IQSEC1: variants seen among roughly 807,000 people sequenced by gnomAD.
The protein encoded by IQSEC1 is IQ motif and Sec7 domain ArfGEF 1.
In IQSEC1, 31 loss-of-function variants were observed where a neutral mutation model predicts 91.0. The observed-to-expected ratio is 0.34, with a 90% confidence interval of 0.26 to 0.46. The LOEUF is 0.46. IQSEC1 is among the 20% of genes least tolerant of loss of function. IQSEC1 has a pLI of 1.00. For synonymous variants in IQSEC1, 699 were observed against 662.6 expected (o/e 1.05, Z -0.84); for missense variants, 1,388 against 1,575.6 (o/e 0.88, Z 2.02).
intron 1 of IQSEC1, among the ~76,000 whole-genome samples, chr3:13,019,518 C>G (rs1703304127): frequency 6.6e-6 from 1 of 152,254 alleles, no homozygotes; most frequent in Non-Finnish European, 1.5e-5. Flanking sequence ...TCAGGGCTTC[C>G]CTGGCAGCCG....
intron 2 of IQSEC1, among the ~76,000 whole-genome samples, chr3:13,146,614 C>T (rs765818983): frequency 3.9e-5 from 6 of 152,166 alleles, no homozygotes; most frequent in Admixed American, 1.3e-4. Flanking sequence ...CCAAGGCAGG[C>T]GGATCATTTA....
At chr3:13,002,014 A>T (rs1374468871) in intron 1 of IQSEC1, among the ~76,000 whole-genome samples, 1 of 152,160 alleles carries the variant, frequency 6.6e-6, no homozygotes, top group Non-Finnish European at 1.5e-5. Flanking sequence ...CAGAGGTTGC[A>T]GTGAGCTGAG....
At chr3:13,078,971 C>T (rs980440281) in intron 2 of IQSEC1, among the ~76,000 whole-genome samples, 5 of 152,242 alleles carry the variant, frequency 3.3e-5, no homozygotes, top group Admixed American at 1.3e-4. Context: ...GTAAATTGTG[C>T]ATTCCACGTG....
chr3:13,175,843 G>A (rs544260618), intron 1 of IQSEC1, among the ~76,000 whole-genome samples: 36 of 152,268 alleles, frequency 2.4e-4, no homozygotes, highest in East Asian at 2.1e-3. Context: ...CTCACCTCTC[G>A]GGTCCTTTAT....
intron 2 of IQSEC1, among the ~76,000 whole-genome samples, chr3:13,129,858 C>T (rs76522862): frequency 1.3e-5 from 2 of 151,724 alleles, no homozygotes. Context: ...CAGGGTTTCA[C>T]CGTGTTAGCC....
chr3:13,114,464 T>C (rs1706302816), intron 2 of IQSEC1, among the ~76,000 whole-genome samples: 1 of 152,148 alleles, frequency 6.6e-6, no homozygotes, highest in Admixed American at 6.5e-5. Flanking sequence ...GTGTTGTTAT[T>C]TCAAATTTTC....
At chr3:13,235,268 T>A (rs1337289701) in intron 1 of IQSEC1, among the ~76,000 whole-genome samples, 1 of 151,958 alleles carries the variant, frequency 6.6e-6, no homozygotes, top group Non-Finnish European at 1.5e-5. Flanking sequence ...GTGGCCTGGC[T>A]CCCACATCCT....
Position 13,132,531 on chromosome 3 carries a change from G to A in IQSEC1, c.302+31573C>T, listed in dbSNP as rs1312848241. On this transcript the variant is annotated intron_variant, in intron 2 of 15. Transcript: ENST00000648114. ...GGCTTGTTTCAAGGCAACTCCAGCT[G>A]CCTTAGTGTTCCCAGACTTTGAGCA... is the stretch of plus-strand genomic sequence containing the variant. Among the ~76,000 whole-genome samples the A allele has an allele frequency of 2.6e-5, 4 of 152,196 alleles. No homozygotes were observed. In the East Asian group the frequency reaches 7.7e-4, roughly 29 times the overall value.
chr3:13,146,217 C>T (rs1025010750), intron 2 of IQSEC1, among the ~76,000 whole-genome samples: 2 of 151,814 alleles, frequency 1.3e-5, no homozygotes, highest in African/African-American at 2.4e-5. Flanking sequence ...GAACTCCTGG[C>T]CTCAAGTAAT....
At chr3:13,051,371 C>T (rs1704683657) in intron 1 of IQSEC1, among the ~76,000 whole-genome samples, 1 of 152,148 alleles carries the variant, frequency 6.6e-6, no homozygotes, top group East Asian at 1.9e-4. Context: ...AAACAGCACC[C>T]GACCATTGAA....
At chr3:12,927,496 G>A (rs1697263806) in intron 3 of IQSEC1, among the ~76,000 whole-genome samples, 2 of 152,218 alleles carry the variant, frequency 1.3e-5, no homozygotes, top group South Asian at 2.1e-4. Context: ...CCAGGCCACC[G>A]CTGCAGTGAC....
chr3:13,279,553 G>A (rs528489034), intron 1 of IQSEC1, among the ~76,000 whole-genome samples: 1 of 152,340 alleles, frequency 6.6e-6, no homozygotes, highest in Non-Finnish European at 1.5e-5. Flanking sequence ...GGATGGGGCA[G>A]TGCCAGGCTA....
chr3:13,194,385 T>C (rs7611223), intron 1 of IQSEC1, among the ~76,000 whole-genome samples: 10,787 of 152,162 alleles, frequency 0.071, 742 homozygotes, highest in East Asian at 0.3. Flanking sequence ...TCCTATGCTC[T>C]GACTCTCACT....
At chr3:12,905,406 G>A (rs780272725) in intron 12 of IQSEC1, among the ~76,000 whole-genome samples, 10 of 152,180 alleles carry the variant, frequency 6.6e-5, no homozygotes, top group Non-Finnish European at 1.0e-4. Context: ...CAGTGTCAGT[G>A]ACCATAACAG....
chr3:13,038,258 GTGTGTATATATATATATATATATA>G (rs1160456503), intron 1 of IQSEC1, among the ~76,000 whole-genome samples: 10 of 51,388 alleles, frequency 1.9e-4, no homozygotes, highest in African/African-American at 6.9e-4. Context: ...ATGTGTGTGT[GTGTGTATATATATATATATATATA>G]TATATATATA....
At position 13,039,461 on chromosome 3, in the gene IQSEC1, G is replaced by A. The variant is rs140577097; in HGVS notation, c.23+33531C>T. ...CTTTCATACTCTTAAGTTTGGGATC[G>A]CCGTTTTAAACAACGGAATATGGCA... is the stretch of plus-strand genomic sequence containing the variant. On this transcript the variant is annotated intron_variant, in intron 1 of 13. Coordinates refer to ENST00000613206, the MANE Select transcript of IQSEC1 (RefSeq NM_001134382.3). 5.3e-5 allele frequency among the ~76,000 whole-genome samples: 8 copies of A among 152,348 alleles called. No individual in the cohort carries two copies. In the South Asian group the frequency reaches 1.0e-3, roughly 20 times the overall value.
chr3:13,117,305 G>A (rs1194719913), intron 2 of IQSEC1, among the ~76,000 whole-genome samples: 2 of 139,570 alleles, frequency 1.4e-5, no homozygotes, highest in African/African-American at 2.8e-5. Context: ...AAAAAAAAAC[G>A]GCCAGATGCA....
At chr3:13,220,911 G>A (rs58430540) in intron 1 of IQSEC1, among the ~76,000 whole-genome samples, 1,780 of 152,276 alleles carry the variant, frequency 0.012, 30 homozygotes, top group African/African-American at 0.04. Flanking sequence ...ACCAGCCACC[G>A]GGCCACTTCA....
At chr3:13,096,571 A>C (rs982034351) in intron 2 of IQSEC1, among the ~76,000 whole-genome samples, 11 of 152,186 alleles carry the variant, frequency 7.2e-5, no homozygotes, top group Non-Finnish European at 1.2e-4. Flanking sequence ...GTTTTGAAGG[A>C]TGTATATGAG....
Sources: gnomAD v4.1 joint callset for allele counts (sites outside exome capture counted in the v4.1 genomes callset) on GRCh38, gnomAD v4.1.1 for gene constraint, MANE v1.5 for transcripts, NCBI Gene and HGNC (gene_info 2026-07-23, HGNC 2026-07-21) for gene names.